Variants in GLYATL2 observed in about 807,000 individuals in gnomAD.
GLYATL2 encodes the protein glycine N-acyltransferase-like protein 2.
In GLYATL2, 25 loss-of-function variants were observed where a neutral mutation model predicts 21.4. The ratio of observed to expected loss-of-function variants is 1.17; its 90% confidence interval spans 0.85 to 1.63. GLYATL2 has a LOEUF of 1.63. GLYATL2 is among the 40% of genes most tolerant of loss of function. The pLI is 0.00. For synonymous variants in GLYATL2, 114 were observed against 118.2 expected, an observed-to-expected ratio of 0.96 and a Z score of 0.23; for missense variants, 361 against 343.3, an observed-to-expected ratio of 1.05 and a Z score of -0.41.
intron 1 of GLYATL2, among the ~76,000 whole-genome samples, chr11:58,873,087 G>A (rs1383503765): frequency 6.6e-6 from 1 of 151,316 alleles, no homozygotes; most frequent in Non-Finnish European, 1.5e-5. Context: ...CTCTCCGTTT[G>A]TCTGTTATTG....
At chr11:58,873,169 A>G (rs1417185724) in intron 1 of GLYATL2, among the ~76,000 whole-genome samples, 1 of 150,660 alleles carries the variant, frequency 6.6e-6, no homozygotes, top group Non-Finnish European at 1.5e-5. Context: ...TGTTTATCAG[A>G]TTAAGGAGAT....
intron 1 of GLYATL2, among the ~76,000 whole-genome samples, chr11:58,887,384 G>A (rs533269485): frequency 1.3e-5 from 2 of 152,074 alleles, no homozygotes; most frequent in East Asian, 1.9e-4. Context: ...TTCAGGGTGG[G>A]ATGCAGGAGA....
Position 58,834,410 on chromosome 11 carries a change from A to G in GLYATL2, c.*19T>C. The G allele has an allele frequency of 1.3e-6, 2 of 1,544,528 alleles. No individual in the cohort carries two copies. Among genetic ancestry groups the G allele is most frequent in the Non-Finnish European group, 1.7e-6 (2 of 1,147,742 alleles). On this transcript the variant is annotated 3_prime_UTR_variant, in exon 6 of 6. Transcript: ENST00000287275. ...TTTTTTTACTGATAAGAAAGATTTG[A>G]AATGGACAGTGGAATCAATCAACAA...
chr11:58,857,913 A>C (rs1305859523), intron 1 of GLYATL2, among the ~76,000 whole-genome samples: 1 of 142,174 alleles, frequency 7.0e-6, no homozygotes, highest in Non-Finnish European at 1.5e-5. Flanking sequence ...AAAAAAAAAA[A>C]CAAGCAAAAC....
At chr11:58,857,465 T>TTCTCATCCTTC (rs1232554272) in intron 1 of GLYATL2, among the ~76,000 whole-genome samples, 4 of 152,184 alleles carry the variant, frequency 2.6e-5, no homozygotes, top group African/African-American at 9.6e-5. Context: ...GAGAAGCCTT[T>TTCTCATCCTTC]TCTCATCCTT....
intron 1 of GLYATL2, among the ~76,000 whole-genome samples, chr11:58,850,165 C>T (rs1853714141): frequency 6.6e-6 from 1 of 152,090 alleles, no homozygotes; most frequent in South Asian, 2.1e-4. Flanking sequence ...TGTGTTCCAG[C>T]TATTGGAAAA....
At chr11:58,883,982 ACAG>A (rs2134615016) in intron 1 of GLYATL2, among the ~76,000 whole-genome samples, 2 of 152,368 alleles carry the variant, frequency 1.3e-5, no homozygotes, top group South Asian at 4.1e-4. Flanking sequence ...GATTTTCTCA[ACAG>A]ATGCAGAAAA....
chr11:58,841,664 G>GA (rs1853555847), intron 1 of GLYATL2, among the ~76,000 whole-genome samples: 1 of 152,190 alleles, frequency 6.6e-6, no homozygotes, highest in African/African-American at 2.4e-5. Flanking sequence ...CACAGATCTA[G>GA]AAAAAGCTAA....
chr11:58,892,832 T>A (rs1854568257), intron 1 of GLYATL2: 1 of 320,998 alleles, frequency 3.1e-6, no homozygotes, highest in Non-Finnish European at 6.3e-6. Flanking sequence ...AGATGATGAA[T>A]TTGAGAGGTA....
At chr11:58,854,541 G>T (rs1409217898) in intron 1 of GLYATL2, among the ~76,000 whole-genome samples, 1 of 152,142 alleles carries the variant, frequency 6.6e-6, no homozygotes, top group African/African-American at 2.4e-5. Flanking sequence ...AATCTTTTTT[G>T]CTGGTGCAAG....
intron 1 of GLYATL2, among the ~76,000 whole-genome samples, chr11:58,883,146 A>C (rs897279480): frequency 2.0e-5 from 3 of 152,210 alleles, no homozygotes; most frequent in Non-Finnish European, 2.9e-5. Flanking sequence ...TACCTTGGGC[A>C]ACATGGACAT....
chr11:58,851,964 G>T (rs1156388731), intron 1 of GLYATL2, among the ~76,000 whole-genome samples: 1 of 152,180 alleles, frequency 6.6e-6, no homozygotes, highest in Admixed American at 6.5e-5. Context: ...GCAGAATTTG[G>T]TCATTGATTG....
At chr11:58,842,605 C>T (rs964539179) in intron 1 of GLYATL2, among the ~76,000 whole-genome samples, 3 of 151,350 alleles carry the variant, frequency 2.0e-5, no homozygotes, top group African/African-American at 7.3e-5. Flanking sequence ...GTCACTTGCT[C>T]CCCTGAACTG....
intron 1 of GLYATL2, chr11:58,892,974 C>T (rs535137528): frequency 2.6e-5 from 8 of 302,664 alleles, no homozygotes; most frequent in South Asian, 1.4e-4. Context: ...GGTCAAAATA[C>T]GCAACTTTGC....
intron 1 of GLYATL2, among the ~76,000 whole-genome samples, chr11:58,889,250 GT>G (rs1331922634): frequency 3.3e-5 from 5 of 151,750 alleles, no homozygotes; most frequent in African/African-American, 9.7e-5. Flanking sequence ...TTTAAAACCT[GT>G]TTTTTTGTGT....
At chr11:58,872,761 G>A (rs1408456958) in intron 1 of GLYATL2, among the ~76,000 whole-genome samples, 6 of 152,186 alleles carry the variant, frequency 3.9e-5, no homozygotes, top group Non-Finnish European at 8.8e-5. Context: ...TTGACTTGGA[G>A]ATGCGGGCTC....
chr11:58,864,879 C>T (rs916986288), intron 1 of GLYATL2, among the ~76,000 whole-genome samples: 13 of 148,846 alleles, frequency 8.7e-5, no homozygotes, highest in African/African-American at 2.7e-4. Flanking sequence ...TTCAAAGTGC[C>T]TCAGCAGCAT....
intron 1 of GLYATL2, among the ~76,000 whole-genome samples, chr11:58,882,070 A>G (rs1258365190): frequency 6.6e-6 from 1 of 152,182 alleles, no homozygotes; most frequent in Non-Finnish European, 1.5e-5. Flanking sequence ...TAGTAGCATG[A>G]TTTATAATCC....
chr11:58,895,393 AC>A (rs10712812), intron 1 of GLYATL2, among the ~76,000 whole-genome samples: 113,856 of 151,972 alleles, frequency 0.75, 45,684 homozygotes, highest in Middle Eastern at 0.89. Flanking sequence ...GGCCATCATA[AC>A]AAAATTTCAT....
Sources: gnomAD v4.1 joint callset for allele counts (sites outside exome capture counted in the v4.1 genomes callset) on GRCh38, gnomAD v4.1.1 for gene constraint, MANE v1.5 for transcripts, NCBI Gene and HGNC (gene_info 2026-07-23, HGNC 2026-07-21) for gene names.